CCDC192: variants seen among roughly 807,000 people sequenced by gnomAD.
CCDC192 encodes coiled-coil domain-containing protein 192.
chr5:127,769,646 A>C (rs1364628537), intron 3 of CCDC192, among the ~76,000 whole-genome samples: 1 of 152,216 alleles, frequency 6.6e-6, no homozygotes, highest in Non-Finnish European at 1.5e-5. Flanking sequence ...AAAGAAATCC[A>C]GAGAATTCTG....
In CCDC192 at chr5:127,717,619, T is replaced by A. The variant is rs1363345714; in HGVS notation, c.114+9859T>A. Among the ~76,000 whole-genome samples the A allele has an allele frequency of 2.6e-5, 4 of 152,248 alleles. No homozygotes were observed. The South Asian group carries it at 8.3e-4, about 32-fold the overall frequency. ...ATTCTTAATATTTTATTTACCTTAATAATTTATTTCTCCTTCATAAAACCC... is the reference window on the plus strand; with the variant it reads ...ATTCTTAATATTTTATTTACCTTAAAAATTTATTTCTCCTTCATAAAACCC... On this transcript the variant is annotated intron_variant, in intron 2 of 6. Coordinates refer to ENST00000514853, the MANE Select transcript of CCDC192 (RefSeq NM_001317938.2).
intron 3 of CCDC192, chr5:127,786,417 A>C: frequency 1.6e-6 from 1 of 623,046 alleles, no homozygotes; most frequent in African/African-American, 1.8e-5. Context: ...ATCTTCCTTC[A>C]GCTCCAATTC....
intron 6 of CCDC192, among the ~76,000 whole-genome samples, chr5:127,889,706 T>G (rs778310548): frequency 1.3e-5 from 2 of 152,286 alleles, no homozygotes; most frequent in South Asian, 2.1e-4. Flanking sequence ...CCAACCTCTA[T>G]TCTACTCTTT....
At chr5:127,716,666 T>G (rs1367518071) in intron 2 of CCDC192, among the ~76,000 whole-genome samples, 1 of 152,146 alleles carries the variant, frequency 6.6e-6, no homozygotes, top group Non-Finnish European at 1.5e-5. Flanking sequence ...GTCTATAATC[T>G]CTCTAGAAAT....
chr5:127,718,868 A>G (rs1751795475), intron 2 of CCDC192, among the ~76,000 whole-genome samples: 2 of 152,164 alleles, frequency 1.3e-5, no homozygotes, highest in African/African-American at 4.8e-5. Context: ...GGTACCCATC[A>G]CCTCAAGCTT....
intron 3 of CCDC192, among the ~76,000 whole-genome samples, chr5:127,755,420 AG>A (rs1030088626): frequency 6.6e-6 from 1 of 152,138 alleles, no homozygotes; most frequent in Admixed American, 6.5e-5. Flanking sequence ...TTACCAAAAA[AG>A]GTGCATCCCT....
intron 2 of CCDC192, among the ~76,000 whole-genome samples, chr5:127,719,519 ATAT>A (rs1751855869): frequency 8.6e-6 from 1 of 115,654 alleles, no homozygotes; most frequent in Non-Finnish European, 1.6e-5. Context: ...ATATATATAT[ATAT>A]ATACACACAT....
intron 3 of CCDC192, among the ~76,000 whole-genome samples, chr5:127,774,321 T>C (rs1321995259): frequency 2.6e-5 from 4 of 152,220 alleles, no homozygotes; most frequent in East Asian, 1.9e-4. Flanking sequence ...AAAGAACCCA[T>C]TGCTTAATTC....
intron 6 of CCDC192, among the ~76,000 whole-genome samples, chr5:127,896,944 A>G (rs73786949): frequency 7.2e-5 from 11 of 152,306 alleles, no homozygotes; most frequent in African/African-American, 2.4e-4. Flanking sequence ...TTTCTAAATA[A>G]TGCTTTCTTT....
At chr5:127,750,110 T>G (rs1224639016) in intron 2 of CCDC192, among the ~76,000 whole-genome samples, 2 of 152,242 alleles carry the variant, frequency 1.3e-5, no homozygotes, top group Non-Finnish European at 2.9e-5. Flanking sequence ...TGTCTCTATT[T>G]CCTTCACTTC....
chr5:127,828,938 T>C (rs1282565535), intron 5 of CCDC192, among the ~76,000 whole-genome samples: 1 of 152,014 alleles, frequency 6.6e-6, no homozygotes, highest in African/African-American at 2.4e-5. Context: ...CTGGGAGCAA[T>C]GTGGAGAGAG....
intron 6 of CCDC192, among the ~76,000 whole-genome samples, chr5:127,924,311 C>T (rs180930836): frequency 6.0e-4 from 91 of 152,288 alleles, no homozygotes; most frequent in Admixed American, 5.6e-3. Flanking sequence ...AGTTTGCCTG[C>T]TGAAAACGAA....
At chr5:127,773,835 C>T (rs1273926770) in intron 3 of CCDC192, among the ~76,000 whole-genome samples, 1 of 152,124 alleles carries the variant, frequency 6.6e-6, no homozygotes, top group Non-Finnish European at 1.5e-5. Flanking sequence ...TGATCGGTCA[C>T]CAATTATTTT....
chr5:127,709,249 A>AC (rs1362199596), intron 2 of CCDC192, among the ~76,000 whole-genome samples: 1 of 112,334 alleles, frequency 8.9e-6, no homozygotes, highest in Non-Finnish European at 2.0e-5. Flanking sequence ...GAGAGAGAGA[A>AC]ATGCTACACA....
At chr5:127,753,609 A>T (rs1304101842) in intron 2 of CCDC192, among the ~76,000 whole-genome samples, 1 of 151,338 alleles carries the variant, frequency 6.6e-6, no homozygotes, top group Non-Finnish European at 1.5e-5. Context: ...AATCGCTTGA[A>T]CCCAGGAGGT....
At chr5:127,730,716 T>A (rs951659566) in intron 2 of CCDC192, among the ~76,000 whole-genome samples, 1 of 152,042 alleles carries the variant, frequency 6.6e-6, no homozygotes, top group Non-Finnish European at 1.5e-5. Context: ...GTTCAACATA[T>A]GCAAATCAAT....
chr5:127,843,339 A>G (rs1750382212), intron 5 of CCDC192, among the ~76,000 whole-genome samples: 1 of 151,918 alleles, frequency 6.6e-6, no homozygotes, highest in South Asian at 2.1e-4. Context: ...CAGCCAGCCA[A>G]AAGTTTTTTT....
chr5:127,759,286 G>GA (rs926394922), intron 3 of CCDC192, among the ~76,000 whole-genome samples: 5 of 152,118 alleles, frequency 3.3e-5, no homozygotes, highest in African/African-American at 1.2e-4. Flanking sequence ...CTGCCAAAAA[G>GA]AAAAAAACCA....
At chr5:127,760,977 A>G (rs1467672331) in intron 3 of CCDC192, among the ~76,000 whole-genome samples, 2 of 152,168 alleles carry the variant, frequency 1.3e-5, no homozygotes, top group Non-Finnish European at 2.9e-5. Flanking sequence ...ATGAACAAGA[A>G]AGTTAAAGGA....
Sources: allele counts gnomAD v4.1 joint callset (sites outside exome capture counted in the v4.1 genomes callset), GRCh38; gene constraint gnomAD v4.1.1; transcripts MANE v1.5; gene names NCBI Gene and HGNC (gene_info 2026-07-23, HGNC 2026-07-21).